The following PUM2 variants were observed in gnomAD, a reference collection of about 807,000 sequenced individuals.
PUM2 encodes pumilio homolog 2.
PUM2 carries 57 observed loss-of-function variants against 124.5 expected under a neutral mutation model. The observed-to-expected ratio is 0.46, with a 90% CI of 0.37 to 0.57. The LOEUF (loss-of-function observed/expected upper bound fraction) is 0.57, where lower values mean the gene tolerates loss of function less well. PUM2 is among the 20% of genes least tolerant of loss of function. The pLI is 0.00. For missense variants in PUM2, 1,065 were observed against 1,290.6 expected (o/e 0.83, Z 2.68); for synonymous variants, 460 against 446.1 (o/e 1.03, Z -0.39).
At chr2:20,315,646 T>C (rs1008777518) in intron 3 of PUM2, among the ~76,000 whole-genome samples, 1 of 151,956 alleles carries the variant, frequency 6.6e-6, no homozygotes, top group Non-Finnish European at 1.5e-5. Flanking sequence ...CTCAAGATGC[T>C]TTGCTTTTCA....
chr2:20,292,214 C>T (rs1261044828), intron 9 of PUM2, among the ~76,000 whole-genome samples: 4 of 151,732 alleles, frequency 2.6e-5, no homozygotes, highest in Non-Finnish European at 5.9e-5. Context: ...CTACTTGATC[C>T]CCGCCTCCCT....
chr2:20,261,277 G>A (rs1666140900), intron 14 of PUM2, among the ~76,000 whole-genome samples: 1 of 151,290 alleles, frequency 6.6e-6, no homozygotes, highest in Non-Finnish European at 1.5e-5. Context: ...TGTAAGCCCA[G>A]CTACTCAGGA....
At chr2:20,325,019 C>A (rs1220435814) in intron 2 of PUM2, among the ~76,000 whole-genome samples, 1 of 149,768 alleles carries the variant, frequency 6.7e-6, no homozygotes, top group African/African-American at 2.5e-5. Context: ...TGAATGAATT[C>A]TGGGATATAA....
At chr2:20,260,233 CT>C (rs1572558326) in intron 15 of PUM2, 103 bp downstream of exon 15, 11 of 1,250,660 alleles carry the variant, frequency 8.8e-6, no homozygotes, top group Non-Finnish European at 9.7e-6. Context: ...GGCTTATTAT[CT>C]TTTTTTATAT....
chr2:20,316,560 A>G (rs1429368676), intron 3 of PUM2, among the ~76,000 whole-genome samples: 1 of 152,168 alleles, frequency 6.6e-6, no homozygotes, highest in Non-Finnish European at 1.5e-5. Context: ...CTCAGATTTT[A>G]CTAACTGGAA....
intron 13 of PUM2, among the ~76,000 whole-genome samples, chr2:20,272,938 G>T (rs1317202368): frequency 6.6e-6 from 1 of 152,062 alleles, no homozygotes; most frequent in Non-Finnish European, 1.5e-5. Flanking sequence ...CTACATATAA[G>T]AAACAACTTT....
chr2:20,302,099 C>T (rs982909356), intron 7 of PUM2, among the ~76,000 whole-genome samples: 1 of 152,152 alleles, frequency 6.6e-6, no homozygotes, highest in South Asian at 2.1e-4. Flanking sequence ...TAAGAGACAA[C>T]GTCTCACTAT....
Position 20,296,331 on chromosome 2 carries a change from G to A in PUM2, c.1009+1222C>T, listed in dbSNP as rs867739013. Among the ~76,000 whole-genome samples, 5 of 151,834 alleles carry A rather than the reference G, an allele frequency of 3.3e-5. No individual in the cohort carries two copies. In the South Asian group the frequency reaches 1.0e-3, roughly 32 times the overall value. ...TAACACAGTGAAACCCCGTCTCTAC[G>A]AAAAATACAAAAAATTAGCCAGGCG... On this transcript the variant is annotated intron_variant, in intron 8 of 20. Transcript: ENST00000361078.
chr2:20,345,696 A>AC lies in PUM2; in HGVS notation c.-19+4900dup, dbSNP rs1201089932. On this transcript the variant is annotated intron_variant, in intron 1 of 20. Coordinates refer to ENST00000361078, the MANE Select transcript of PUM2 (RefSeq NM_015317.5). ...CAAGACCAGCCTGGCCAACAGTGAA[A>AC]CCCCATCTCTTCCAAAAATACAAAA... 6.6e-5 allele frequency among the ~76,000 whole-genome samples: 10 copies of AC among 152,014 alleles called. 1 individual carries two copies. Among genetic ancestry groups the AC allele is most frequent in the Admixed American group, 4.6e-4 (7 of 15,254 alleles).
chr2:20,288,160 T>C (rs1673150706), intron 10 of PUM2, among the ~76,000 whole-genome samples: 1 of 152,148 alleles, frequency 6.6e-6, no homozygotes. Context: ...GTGGTGGAAA[T>C]ACAGCAAATC....
At chr2:20,306,703 G>C (rs1678406451) in intron 7 of PUM2, among the ~76,000 whole-genome samples, 2 of 150,446 alleles carry the variant, frequency 1.3e-5, no homozygotes, top group South Asian at 4.3e-4. Context: ...CCGTCTCCCA[G>C]GTTCAAGCGA....
At chr2:20,270,235 T>C (rs529517914) in intron 13 of PUM2, among the ~76,000 whole-genome samples, 2 of 152,220 alleles carry the variant, frequency 1.3e-5, no homozygotes, top group Non-Finnish European at 2.9e-5. Context: ...ATTCTTTCCT[T>C]TGGTTAATAC....
intron 14 of PUM2, among the ~76,000 whole-genome samples, chr2:20,261,131 A>G (rs1666102472): frequency 1.3e-5 from 2 of 152,206 alleles, no homozygotes; most frequent in Non-Finnish European, 2.9e-5. Context: ...TGGCTCACGC[A>G]TGTAATCTCA....
rs1481254959 is a variant in PUM2, at chr2:20,255,366, A to G, written c.2623-25T>C. ...CCTGAGGACAATTAGAAGAATTAAA[A>G]TTTGTATTCTCTGACATTTTTGAAC... On this transcript the variant is annotated intron_variant, in intron 17 of 20. Coordinates refer to ENST00000361078, the MANE Select transcript of PUM2 (RefSeq NM_015317.5). 3.1e-6 allele frequency: 5 copies of G among 1,600,014 alleles called. No individual in the cohort carries two copies. In the Admixed American group the frequency reaches 8.5e-5, roughly 27 times the overall value.
intron 17 of PUM2, among the ~76,000 whole-genome samples, chr2:20,255,544 T>C (rs1009496381): frequency 6.6e-6 from 1 of 152,042 alleles, no homozygotes; most frequent in African/African-American, 2.4e-5. Context: ...ATTTAGGAGC[T>C]GAAGATATTT....
At chr2:20,264,512 A>G (rs188747984) in intron 13 of PUM2, among the ~76,000 whole-genome samples, 84 of 151,146 alleles carry the variant, frequency 5.6e-4, no homozygotes, top group Non-Finnish European at 1.0e-3. Flanking sequence ...TTCCGTTCCA[A>G]GAAAGAAAAT....
rs759632838 is a variant in PUM2 at position 20,318,656 on chromosome 2, G to A, written c.52-11C>T. ...TTTGGTAGGCAAAAGCTATTTGGAG[G>A]AAAAATTACAGTTAAATTTTATTCT... is the stretch of plus-strand genomic sequence containing the variant. On this transcript the variant is annotated splice_polypyrimidine_tract_variant and intron_variant, in intron 2 of 20. Transcript: ENST00000361078. 1.3e-4 allele frequency: 202 copies of A among 1,570,586 alleles called. No individual in the cohort carries two copies. In the East Asian group the frequency reaches 4.5e-3, roughly 35 times the overall value.
At chr2:20,312,493 T>A (rs988997065) in intron 3 of PUM2, 70 bp from the exon 4 acceptor site, 31 of 1,357,560 alleles carry the variant, frequency 2.3e-5, no homozygotes, top group Non-Finnish European at 3.0e-5. Flanking sequence ...TAAATTAATA[T>A]ACTGAAGTAA....
intron 8 of PUM2, among the ~76,000 whole-genome samples, chr2:20,296,280 G>T (rs1003285945): frequency 1.3e-5 from 2 of 152,188 alleles, no homozygotes; most frequent in Admixed American, 6.5e-5. Flanking sequence ...CGGATCACAA[G>T]GTCAGGAGAT....
Sources: allele counts gnomAD v4.1 joint callset (sites outside exome capture counted in the v4.1 genomes callset), GRCh38; gene constraint gnomAD v4.1.1; transcripts MANE v1.5; gene names NCBI Gene and HGNC (gene_info 2026-07-23, HGNC 2026-07-21).